ADAMTS7: variants seen among roughly 807,000 people sequenced by gnomAD.
The protein encoded by ADAMTS7 is A disintegrin and metalloproteinase with thrombospondin motifs 7.
ADAMTS7 carries 89 observed loss-of-function variants against 172.6 expected under a neutral mutation model. The observed-to-expected ratio is 0.52, with a 90% CI of 0.43 to 0.61. ADAMTS7 has a LOEUF of 0.61. ADAMTS7 is among the 20% of genes least tolerant of loss of function. The pLI, the probability that ADAMTS7 is intolerant of heterozygous loss-of-function variation, is 0.00. For synonymous variants in ADAMTS7, 885 were observed against 978.4 expected (o/e 0.90, Z 1.78); for missense variants, 1,973 against 2,355.6 (o/e 0.84, Z 3.36).
chr15:78,796,840 C>T (rs1264780966), intron 3 of ADAMTS7, 54 bp from the exon 4 acceptor site: 60 of 1,483,390 alleles, frequency 4.0e-5, no homozygotes, highest in Admixed American at 1.4e-4. Flanking sequence ...CCAGGGCACA[C>T]GTCTCCAGGG....
intron 21 of ADAMTS7, 37 bp downstream of exon 21, chr15:78,763,889 G>C: frequency 5.7e-6 from 9 of 1,566,942 alleles, no homozygotes; most frequent in Non-Finnish European, 7.8e-6. Context: ...AGGGTCTGAG[G>C]GCGTCCCCTC....
rs149551266 is a variant in ADAMTS7, at chr15:78,763,218, C to T, written c.4740+481G>A. On this transcript the variant is annotated intron_variant, in intron 22 of 23. Coordinates refer to ENST00000388820, the MANE Select transcript of ADAMTS7 (RefSeq NM_014272.5). ...CACTCAGCAGCCAGTCGGACAAAGA[C>T]GCAAACGCTGGCCCAGCTGACTCCA... Among the ~76,000 whole-genome samples, 131 of 152,346 alleles carry T rather than the reference C, an allele frequency of 8.6e-4. 2 individuals carry two copies. The highest frequency in any genetic ancestry group is 2.9e-3 in the African/African-American group (120 of 41,572).
At chr15:78,767,792 C>T (rs191636351) in intron 17 of ADAMTS7, among the ~76,000 whole-genome samples, 200 bp from the exon 18 acceptor site, 9 of 152,098 alleles carry the variant, frequency 5.9e-5, no homozygotes, top group African/African-American at 2.2e-4. Flanking sequence ...ACAGCCCCTC[C>T]GCTCCTGCCA....
intron 1 of ADAMTS7, among the ~76,000 whole-genome samples, chr15:78,804,931 C>T (rs1462700181): frequency 2.0e-5 from 3 of 152,150 alleles, no homozygotes; most frequent in Non-Finnish European, 4.4e-5. Context: ...CAAGAGCCTC[C>T]GGGAACTGTG....
chr15:78,782,825 A>G (rs1443485276), intron 8 of ADAMTS7, among the ~76,000 whole-genome samples: 1 of 152,046 alleles, frequency 6.6e-6, no homozygotes, highest in Non-Finnish European at 1.5e-5. Flanking sequence ...AGAACCGATC[A>G]GACCCTAGAG....
At chr15:78,761,441 C>T (rs1250832770) in intron 23 of ADAMTS7, among the ~76,000 whole-genome samples, 1 of 152,182 alleles carries the variant, frequency 6.6e-6, no homozygotes. Flanking sequence ...CTCTCCCTGA[C>T]CTTGCAATTG....
chr15:78,767,025 A>C lies in ADAMTS7; in HGVS notation c.2886T>G (p.Thr962=). Residue 962 remains threonine, a synonymous_variant, in exon 19 of 24, where the codon ACT becomes ACG. Transcript: ENST00000388820. ...SQCSVTCGEG[T]QRRNVLCTND... ...TGGTGCAGAGGACATTTCGGCGCTG[A>C]GTGCCCTCCCCACATGTCACTGAGC... 2 of 1,567,974 alleles carry C rather than the reference A, an allele frequency of 1.3e-6. No homozygotes were observed. Among genetic ancestry groups the C allele is most frequent in the South Asian group, 2.4e-5 (2 of 81,878 alleles).
At chr15:78,760,554 T>C (rs1459032113) in intron 23 of ADAMTS7, among the ~76,000 whole-genome samples, 1 of 152,070 alleles carries the variant, frequency 6.6e-6, no homozygotes, top group Non-Finnish European at 1.5e-5. Context: ...CGGGGTGACC[T>C]CAGACAAGCT....
chr15:78,775,224 CA>C (rs1367874734), intron 11 of ADAMTS7, among the ~76,000 whole-genome samples: 1 of 152,216 alleles, frequency 6.6e-6, no homozygotes, highest in Admixed American at 6.5e-5. Context: ...CTTGAGTCCT[CA>C]GCCTTCCTCC....
At chr15:78,801,726 G>A (rs1422309839) in intron 1 of ADAMTS7, among the ~76,000 whole-genome samples, 1 of 152,110 alleles carries the variant, frequency 6.6e-6, no homozygotes, top group Non-Finnish European at 1.5e-5. Flanking sequence ...CACCCAGACA[G>A]GAGTGCAGGT....
chr15:78,799,459 A>C (rs2055689634), intron 2 of ADAMTS7, among the ~76,000 whole-genome samples: 1 of 129,778 alleles, frequency 7.7e-6, no homozygotes, highest in East Asian at 2.0e-4. Flanking sequence ...CGAAGCCAGG[A>C]AGCTGAGACC....
In ADAMTS7 at chr15:78,766,634, C is replaced by A; in HGVS notation, c.3277G>T (p.Asp1093Tyr). The A allele has an allele frequency of 6.2e-7, 1 of 1,609,448 alleles. No homozygotes were observed. Among genetic ancestry groups the A allele is most frequent in the Non-Finnish European group, 8.5e-7 (1 of 1,179,088 alleles). The part of the protein sequence containing the change: ...EPDLDLAGTG[D>Y]RTPPPHSHPA... ...TGGCTGTGTGGTGGGGGTGTCCGGT[C>A]CCCTGTCCCCGCCAGGTCTAGATCG... The change falls in exon 19 of 24, where the codon GAC becomes TAC. Residue 1093 changes from aspartate (D) to tyrosine (Y), a missense_variant. Asp to Tyr is a radical substitution (Grantham distance 160, BLOSUM62 -3). Transcript: ENST00000388820.
intron 8 of ADAMTS7, among the ~76,000 whole-genome samples, chr15:78,782,631 A>G (rs987737957): frequency 6.6e-6 from 1 of 152,224 alleles, no homozygotes; most frequent in African/African-American, 2.4e-5. Context: ...AGATTCTGGA[A>G]GCTGGGAAGC....
At chr15:78,778,221 A>G (rs1382669141) in intron 8 of ADAMTS7, among the ~76,000 whole-genome samples, 1 of 152,212 alleles carries the variant, frequency 6.6e-6, no homozygotes, top group African/African-American at 2.4e-5. Flanking sequence ...ACTGGCAGAC[A>G]CAAGCAGGCG....
intron 1 of ADAMTS7, among the ~76,000 whole-genome samples, chr15:78,808,666 T>C (rs2055827652): frequency 1.3e-5 from 2 of 152,208 alleles, no homozygotes; most frequent in South Asian, 2.1e-4. Context: ...GAGATGTTGG[T>C]GGCTGAAACT....
In ADAMTS7 at chr15:78,766,981, C is replaced by T. The variant is rs1473752580; in HGVS notation, c.2930G>A (p.Cys977Tyr). ...VLCTNDTGVP[C>Y]DEAQQPASEV... The stretch of plus-strand genomic sequence containing the variant: ...GCTGGCTGGCTGCTGGGCCTCGTCA[C>T]AGGGGACACCGGTGTCATTGGTGCA... Residue 977 changes from cysteine to tyrosine, a missense_variant, in exon 19 of 24, where the codon TGT (cysteine) becomes TAT (tyrosine). Cys to Tyr is a radical substitution (Grantham distance 194). This residue lies in a region of ADAMTS7 where 771 missense variants were observed against 952.6 expected (regional missense o/e 0.81). Coordinates refer to ENST00000388820, the MANE Select transcript of ADAMTS7 (RefSeq NM_014272.5). 1.2e-6 allele frequency: 2 copies of T among 1,607,696 alleles called. No homozygotes were observed. The highest frequency in any genetic ancestry group is 1.3e-5 in the African/African-American group (1 of 74,846).
At chr15:78,769,607 G>A (rs1323922588) in intron 16 of ADAMTS7, among the ~76,000 whole-genome samples, 1 of 152,238 alleles carries the variant, frequency 6.6e-6, no homozygotes, top group Non-Finnish European at 1.5e-5. Flanking sequence ...GTGGCAAGCA[G>A]GAGTGGAGGG....
intron 19 of ADAMTS7, chr15:78,765,093 C>A (rs570368302): frequency 1.8e-5 from 4 of 224,090 alleles, no homozygotes; most frequent in African/African-American, 6.9e-5. Context: ...GGTATCCCTG[C>A]GCAAAACAAG....
chr15:78,791,052 T>G, intron 5 of ADAMTS7, 88 bp downstream of exon 5: 1 of 1,469,894 alleles, frequency 6.8e-7, no homozygotes, highest in South Asian at 1.3e-5. Flanking sequence ...ACTGTGCCCT[T>G]CCATAAAGAG....
Sources: allele counts gnomAD v4.1 joint callset (sites outside exome capture counted in the v4.1 genomes callset), GRCh38; gene constraint gnomAD v4.1.1; regional missense constraint gnomAD v4.1.1; transcripts MANE v1.5; gene names NCBI Gene and HGNC (gene_info 2026-07-23, HGNC 2026-07-21).